The following ACTR3C variants were observed in gnomAD, a reference collection of about 807,000 sequenced individuals.
ACTR3C encodes actin-related protein 3C.
Under a neutral mutation model 26.3 loss-of-function variants are expected in ACTR3C, and 18 were observed. The observed-to-expected ratio is 0.68, with a 90% CI of 0.47 to 1.01. The LOEUF is 1.01. Ranked by LOEUF, ACTR3C falls within the 50% of genes least tolerant of loss-of-function variation. The pLI, the probability that ACTR3C is intolerant of heterozygous loss-of-function variation, is 0.00. For synonymous variants in ACTR3C, 55 were observed against 94.5 expected (o/e 0.58, Z 2.42); for missense variants, 184 against 250.7 (o/e 0.73, Z 1.80).
chr7:150,019,463 G>A, the ACTR3C span, among the ~76,000 whole-genome samples: 12 of 146,164 alleles, frequency 8.2e-5, no homozygotes, highest in East Asian at 1.9e-4. Flanking sequence ...ATGGTGATGC[G>A]TGCCTGTAGT....
chr7:150,236,601 C>T, the ACTR3C span, among the ~76,000 whole-genome samples: 1 of 152,132 alleles, frequency 6.6e-6, no homozygotes, highest in African/African-American at 2.4e-5. Context: ...GCACTTTCTG[C>T]CATGATGAAA....
chr7:150,094,111 C>T, the ACTR3C span, among the ~76,000 whole-genome samples: 1 of 150,618 alleles, frequency 6.6e-6, no homozygotes, highest in Non-Finnish European at 1.5e-5. Context: ...TCAGAGCCTA[C>T]CCTAGTGATC....
the ACTR3C span, among the ~76,000 whole-genome samples, chr7:150,008,987 T>C: frequency 6.6e-6 from 1 of 152,190 alleles, no homozygotes; most frequent in African/African-American, 2.4e-5. Context: ...GCACCGAACA[T>C]CTCAGGGAAG....
chr7:150,175,778 G>GCAC, the ACTR3C span, among the ~76,000 whole-genome samples: 1 of 130,116 alleles, frequency 7.7e-6, no homozygotes, highest in Non-Finnish European at 1.5e-5. Context: ...TCCTGCCATT[G>GCAC]CACTCCAGCC....
At chr7:150,015,026 T>C in the ACTR3C span, among the ~76,000 whole-genome samples, 1 of 152,196 alleles carries the variant, frequency 6.6e-6, no homozygotes, top group Non-Finnish European at 1.5e-5. Context: ...TATGATACAA[T>C]GGCTCTGAAG....
chr7:150,005,948 T>C, the ACTR3C span, among the ~76,000 whole-genome samples: 1 of 152,258 alleles, frequency 6.6e-6, no homozygotes, highest in East Asian at 1.9e-4. Context: ...GCTATAAGTC[T>C]GCTCAACAGA....
chr7:150,038,954 CTT>C, the ACTR3C span, among the ~76,000 whole-genome samples: 1 of 90,854 alleles, frequency 1.1e-5, no homozygotes, highest in Non-Finnish European at 2.4e-5. Context: ...AGTCCCCACT[CTT>C]GTGGTGGGTG....
intron 6 of ACTR3C, among the ~76,000 whole-genome samples, chr7:150,251,448 C>T (rs1429350161): frequency 1.3e-5 from 2 of 151,774 alleles, no homozygotes; most frequent in Non-Finnish European, 2.9e-5. Context: ...AATAAAAATG[C>T]TTTTACCCAT....
the ACTR3C span, among the ~76,000 whole-genome samples, chr7:150,046,616 A>G: frequency 7.2e-6 from 1 of 138,246 alleles, no homozygotes. Flanking sequence ...TGTACCAGCC[A>G]AGCCAGACCT....
the ACTR3C span, chr7:150,001,272 G>A: frequency 6.6e-6 from 1 of 152,058 alleles, no homozygotes; most frequent in African/African-American, 2.4e-5. Flanking sequence ...GACTGGTGCT[G>A]ATTTAGGGGA....
chr7:150,203,823 T>TG, the ACTR3C span, among the ~76,000 whole-genome samples: 1 of 152,142 alleles, frequency 6.6e-6, no homozygotes, highest in Non-Finnish European at 1.5e-5. Flanking sequence ...TGCCTTGGCC[T>TG]CCCAAAGTGC....
At chr7:149,889,123 G>A in the ACTR3C span, among the ~76,000 whole-genome samples, 1 of 152,100 alleles carries the variant, frequency 6.6e-6, no homozygotes, top group Non-Finnish European at 1.5e-5. Flanking sequence ...GTCAAGACTT[G>A]TATCTTGAAT....
At chr7:150,035,612 G>A in the ACTR3C span, among the ~76,000 whole-genome samples, 1 of 132,602 alleles carries the variant, frequency 7.5e-6, no homozygotes, top group South Asian at 2.4e-4. Context: ...TAAGGTACCT[G>A]CCGTCGGAAG....
At chr7:150,169,818 G>C in the ACTR3C span, among the ~76,000 whole-genome samples, 3 of 150,762 alleles carry the variant, frequency 2.0e-5, no homozygotes, top group East Asian at 3.9e-4. Flanking sequence ...TGAGCTTAAG[G>C]CTTAATTAAT....
At chr7:150,209,497 T>C in the ACTR3C span, among the ~76,000 whole-genome samples, 1 of 150,880 alleles carries the variant, frequency 6.6e-6, no homozygotes, top group Non-Finnish European at 1.5e-5. Context: ...TTATTTATGA[T>C]CCATTTCGAG....
rs554237682 is a variant in ACTR3C, at chr7:150,268,339, G to A, written c.564+16414C>T. Among the ~76,000 whole-genome samples, 71 of 146,704 alleles carry A rather than the reference G, an allele frequency of 4.8e-4. 2 individuals carry two copies. The highest frequency in any genetic ancestry group is 8.3e-4 in the Non-Finnish European group (56 of 67,866). On this transcript the variant is annotated intron_variant, in intron 6 of 7. Coordinates refer to ENST00000683684, the MANE Select transcript of ACTR3C (RefSeq NM_001164458.2). ...ACTCCAGCTCCCACCCTAGTTCCAC[G>A]TCTTGCTTTGTGTTCAGAAATTCTC...
At chr7:150,156,091 C>G in the ACTR3C span, among the ~76,000 whole-genome samples, 1 of 150,476 alleles carries the variant, frequency 6.6e-6, no homozygotes. Flanking sequence ...GTCTCCACAG[C>G]CTTCCCTGTC....
At chr7:150,001,837 C>G in the ACTR3C span, 9 of 151,364 alleles carry the variant, frequency 5.9e-5, no homozygotes, top group African/African-American at 1.9e-4. Flanking sequence ...AGGAGATGGC[C>G]AGGAAGTCCC....
At chr7:150,155,005 C>A in the ACTR3C span, among the ~76,000 whole-genome samples, 1 of 152,166 alleles carries the variant, frequency 6.6e-6, no homozygotes, top group African/African-American at 2.4e-5. Context: ...CGTAGACAAA[C>A]ACAGGCCTAA....
Sources: gnomAD v4.1 joint callset for allele counts (sites outside exome capture counted in the v4.1 genomes callset) on GRCh38, gnomAD v4.1.1 for gene constraint, MANE v1.5 for transcripts, NCBI Gene and HGNC (gene_info 2026-07-23, HGNC 2026-07-21) for gene names.